The following PLCB1 variants were observed in gnomAD, a reference collection of about 807,000 sequenced individuals.
PLCB1 encodes the protein 1-phosphatidylinositol 4,5-bisphosphate phosphodiesterase beta-1.
In PLCB1, 46 loss-of-function variants were observed where a neutral mutation model predicts 161.8. That is an observed-to-expected ratio of 0.28 (90% confidence interval 0.22 to 0.36). The LOEUF (loss-of-function observed/expected upper bound fraction) is 0.36. Ranked by LOEUF, PLCB1 falls within the 10% of genes least tolerant of loss-of-function variation. The pLI is 1.00. For missense variants in PLCB1, 1,016 were observed against 1,472.5 expected (o/e 0.69, Z 5.07); for synonymous variants, 517 against 503.7 (o/e 1.03, Z -0.35).
At chr20:8,353,779 G>C (rs1029443765) in intron 2 of PLCB1, among the ~76,000 whole-genome samples, 1 of 152,076 alleles carries the variant, frequency 6.6e-6, no homozygotes, top group African/African-American at 2.4e-5. Context: ...ACTAAATGCA[G>C]TATGGTGTCG....
At chr20:8,708,003 C>A (rs191585429) in intron 11 of PLCB1, among the ~76,000 whole-genome samples, 67 of 152,052 alleles carry the variant, frequency 4.4e-4, no homozygotes, top group Non-Finnish European at 1.5e-4. Flanking sequence ...TGAATGATTG[C>A]CTGGGACTAG....
At chr20:8,816,820 G>A (rs1985105945) in intron 31 of PLCB1, among the ~76,000 whole-genome samples, 1 of 152,188 alleles carries the variant, frequency 6.6e-6, no homozygotes, top group Admixed American at 6.5e-5. Flanking sequence ...TATTCTTCAT[G>A]TTAATGCAAG....
intron 2 of PLCB1, among the ~76,000 whole-genome samples, chr20:8,324,925 A>G (rs1206351708): frequency 6.6e-6 from 1 of 152,242 alleles, no homozygotes; most frequent in South Asian, 2.1e-4. Flanking sequence ...TGTGGGAATA[A>G]CGTCTAAGTA....
chr20:8,788,661 G>A lies in PLCB1; in HGVS notation c.3217G>A (p.Asp1073Asn), dbSNP rs781692603. The A allele has an allele frequency of 6.2e-7, 1 of 1,611,066 alleles. No homozygotes were observed. Residue 1073 changes from aspartate to asparagine, a missense_variant, in exon 29 of 32, where the codon GAT becomes AAT. By Grantham distance (23) the Asp-to-Asn change is conservative. This residue lies in a region of PLCB1 where 398 missense variants were observed against 445.4 expected (regional missense o/e 0.89). Transcript: ENST00000338037. ...AAAGAAAGAATTAAAGAAGAAAATGGATAAAAAGAGGCAGGAGAAGATAAC... is the reference window on the plus strand; with the variant it reads ...AAAGAAAGAATTAAAGAAGAAAATGAATAAAAAGAGGCAGGAGAAGATAAC... The part of the protein sequence containing the change: ...KEKKELKKKM[D>N]KKRQEKITEA...
chr20:8,511,113 A>G (rs561222960), intron 3 of PLCB1, among the ~76,000 whole-genome samples: 1 of 152,224 alleles, frequency 6.6e-6, no homozygotes, highest in East Asian at 1.9e-4. Context: ...GAAACTTTGT[A>G]CCTTTTGATT....
chr20:8,147,594 G>A (rs941018360), intron 1 of PLCB1, among the ~76,000 whole-genome samples: 1 of 152,210 alleles, frequency 6.6e-6, no homozygotes, highest in African/African-American at 2.4e-5. Context: ...ATTGAAAATA[G>A]ACATTCATAT....
At chr20:8,192,926 G>A (rs2051984988) in intron 2 of PLCB1, among the ~76,000 whole-genome samples, 1 of 151,940 alleles carries the variant, frequency 6.6e-6, no homozygotes, top group Non-Finnish European at 1.5e-5. Flanking sequence ...CATCCAGTTA[G>A]TAGAACAGGA....
At chr20:8,233,859 A>AT (rs1416172303) in intron 2 of PLCB1, among the ~76,000 whole-genome samples, 2 of 152,058 alleles carry the variant, frequency 1.3e-5, no homozygotes, top group African/African-American at 2.4e-5. Flanking sequence ...GTGTGTCCAC[A>AT]TTTTTTCACT....
At chr20:8,758,149 C>T (rs1981832337) in intron 24 of PLCB1, among the ~76,000 whole-genome samples, 1 of 149,996 alleles carries the variant, frequency 6.7e-6, no homozygotes, top group African/African-American at 2.5e-5. Flanking sequence ...TGGAAAGGAG[C>T]TCCTTTCTTT....
At chr20:8,584,617 C>A (rs1484399988) in intron 3 of PLCB1, among the ~76,000 whole-genome samples, 1 of 152,046 alleles carries the variant, frequency 6.6e-6, no homozygotes, top group African/African-American at 2.4e-5. Flanking sequence ...AATTTTCACG[C>A]TTCCATGGAA....
At chr20:8,366,944 T>G (rs1986729820) in intron 2 of PLCB1, among the ~76,000 whole-genome samples, 1 of 152,210 alleles carries the variant, frequency 6.6e-6, no homozygotes, top group African/African-American at 2.4e-5. Context: ...TATCTAATGT[T>G]ATGAAGTATA....
chr20:8,668,463 A>T (rs1487059296), intron 9 of PLCB1, among the ~76,000 whole-genome samples: 1 of 152,212 alleles, frequency 6.6e-6, no homozygotes, highest in Non-Finnish European at 1.5e-5. Flanking sequence ...TATATGTAGA[A>T]AATGAGCCCA....
intron 3 of PLCB1, among the ~76,000 whole-genome samples, chr20:8,418,848 G>A (rs1211492363): frequency 2.0e-5 from 3 of 152,110 alleles, no homozygotes; most frequent in East Asian, 1.9e-4. Flanking sequence ...GTTCTACTGG[G>A]TGAAATGATC....
chr20:8,313,232 A>C (rs963118034), intron 2 of PLCB1, among the ~76,000 whole-genome samples: 2 of 152,168 alleles, frequency 1.3e-5, no homozygotes, highest in African/African-American at 2.4e-5. Context: ...AAATTAGCTC[A>C]GGTATTTTTA....
At chr20:8,219,503 T>C (rs918696884) in intron 2 of PLCB1, among the ~76,000 whole-genome samples, 1 of 152,130 alleles carries the variant, frequency 6.6e-6, no homozygotes, top group African/African-American at 2.4e-5. Flanking sequence ...AGGAAAGCAT[T>C]TGTTAAATGG....
intron 3 of PLCB1, among the ~76,000 whole-genome samples, chr20:8,570,441 A>G (rs1215286212): frequency 6.6e-6 from 1 of 152,188 alleles, no homozygotes; most frequent in African/African-American, 2.4e-5. Flanking sequence ...GCATATATGT[A>G]AAGATACATA....
intron 11 of PLCB1, among the ~76,000 whole-genome samples, chr20:8,707,151 G>A (rs1393810170): frequency 6.6e-6 from 1 of 152,176 alleles, no homozygotes; most frequent in Non-Finnish European, 1.5e-5. Context: ...CTAAGAAACA[G>A]TAAAAGTGAT....
rs768948126 is a variant in PLCB1 at position 8,446,310 on chromosome 20, C to T, written c.246+74860C>T. ...TAAACAGAACCAAAGACAAAAACCA[C>T]ATGACTATCTCAATAGATGCAGAAA... On this transcript the variant is annotated intron_variant, in intron 3 of 31. Coordinates refer to ENST00000338037, the MANE Select transcript of PLCB1 (RefSeq NM_015192.4). Among the ~76,000 whole-genome samples, 8 of 152,168 alleles carry T rather than the reference C, an allele frequency of 5.3e-5. 1 individual carries two copies. The highest frequency in any genetic ancestry group is 6.3e-3 in the Middle Eastern group (2 of 316).
rs543985543 is a variant in PLCB1 at position 8,608,403 on chromosome 20, A to G, written c.247-19891A>G. Among the ~76,000 whole-genome samples the G allele has an allele frequency of 4.6e-4, 70 of 152,302 alleles. 1 individual carries two copies. The highest frequency in any genetic ancestry group is 1.7e-3 in the African/African-American group (69 of 41,580). Reference sequence around the variant, plus strand: ...TTACTCTCTTTACTCAAGGACCTAAATGGACTTTAAAATGAGCTGGAAATC... The same window carrying G: ...TTACTCTCTTTACTCAAGGACCTAAGTGGACTTTAAAATGAGCTGGAAATC... On this transcript the variant is annotated intron_variant, in intron 3 of 31. Transcript: ENST00000338037.
Sources: allele counts gnomAD v4.1 joint callset (sites outside exome capture counted in the v4.1 genomes callset), GRCh38; gene constraint gnomAD v4.1.1; regional missense constraint gnomAD v4.1.1; transcripts MANE v1.5; gene names NCBI Gene and HGNC (gene_info 2026-07-23, HGNC 2026-07-21).